The following TMEM50A variants were observed in gnomAD, a reference collection of about 807,000 sequenced individuals.
The protein encoded by TMEM50A is transmembrane protein 50A, also known as cervical cancer oncogene 9.
In TMEM50A, 8 loss-of-function variants were observed where a neutral mutation model predicts 23.9. That is an observed-to-expected ratio of 0.33 (90% confidence interval 0.20 to 0.60). TMEM50A has a LOEUF of 0.60. Among genes scored for constraint, TMEM50A ranks in the 20% least tolerant of loss-of-function variants. The probability of loss-of-function intolerance (pLI) is 0.81; values close to 1 mark genes in which losing one functional copy is unlikely to be tolerated. For synonymous variants in TMEM50A, 55 were observed against 60.4 expected (o/e 0.91, Z 0.41); for missense variants, 178 against 192.7 (o/e 0.92, Z 0.45).
intron 5 of TMEM50A, among the ~76,000 whole-genome samples, chr1:25,355,864 A>G (rs1339723181): frequency 3.3e-5 from 5 of 152,332 alleles, no homozygotes; most frequent in Middle Eastern, 6.8e-3. Context: ...TGGCTACTCT[A>G]TCTTTCCAGG....
intron 5 of TMEM50A, among the ~76,000 whole-genome samples, chr1:25,355,168 G>A (rs754564817): frequency 3.8e-4 from 58 of 151,930 alleles, no homozygotes; most frequent in Admixed American, 6.6e-4. Context: ...AATTAGCCAG[G>A]CATGGTGGCA....
Position 25,342,948 on chromosome 1 carries a change from A to G in TMEM50A, c.94-13A>G. 1 of 1,604,742 alleles carries G rather than the reference A, an allele frequency of 6.2e-7. No individual in the cohort carries two copies. Among genetic ancestry groups the G allele is most frequent in the Non-Finnish European group, 8.5e-7 (1 of 1,174,494 alleles). On this transcript the variant is annotated splice_polypyrimidine_tract_variant and intron_variant, in intron 2 of 6. Coordinates refer to ENST00000374358, the MANE Select transcript of TMEM50A (RefSeq NM_014313.4). The stretch of plus-strand genomic sequence containing the variant: ...ATTGCTATGATTTCTCATTGGTATC[A>G]CCTTTGTTTTAGTTTTTTACAGGCT...
At chr1:25,354,536 C>T (rs564849064) in intron 5 of TMEM50A, among the ~76,000 whole-genome samples, 5 of 151,866 alleles carry the variant, frequency 3.3e-5, no homozygotes, top group African/African-American at 9.7e-5. Context: ...CACCTGAGCC[C>T]GGGAGGCAGA....
chr1:25,359,958 A>T (rs986282652), intron 6 of TMEM50A, among the ~76,000 whole-genome samples: 11 of 152,150 alleles, frequency 7.2e-5, no homozygotes, highest in Non-Finnish European at 1.5e-4. Flanking sequence ...CACTTACCAC[A>T]TCACGTTAGC....
At chr1:25,358,229 G>T (rs1230806429) in intron 6 of TMEM50A, among the ~76,000 whole-genome samples, 1 of 152,206 alleles carries the variant, frequency 6.6e-6, no homozygotes, top group East Asian at 1.9e-4. Context: ...TTACGGGCAT[G>T]AGCCACCGTG....
chr1:25,351,696 A>G lies in TMEM50A; in HGVS notation c.274+3A>G, dbSNP rs1286278425. ...TGAAGGTTGTCTGGGTCAAACAGGT[A>G]AATAGGTGCAAACAGCATCTTATTA... On this transcript the variant is annotated splice_donor_region_variant and intron_variant, in intron 4 of 6. Coordinates refer to ENST00000374358, the MANE Select transcript of TMEM50A (RefSeq NM_014313.4). 1.2e-6 allele frequency: 2 copies of G among 1,611,606 alleles called. No homozygotes were observed. The highest frequency in any genetic ancestry group is 1.7e-6 in the Non-Finnish European group (2 of 1,179,102).
chr1:25,353,833 A>C (rs1284878657), intron 5 of TMEM50A, among the ~76,000 whole-genome samples: 1 of 152,204 alleles, frequency 6.6e-6, no homozygotes, highest in Non-Finnish European at 1.5e-5. Flanking sequence ...TAAAAACTGG[A>C]CCAGGTTATA....
intron 3 of TMEM50A, among the ~76,000 whole-genome samples, chr1:25,344,236 A>G (rs967121130): frequency 2.0e-5 from 3 of 152,212 alleles, no homozygotes; most frequent in Non-Finnish European, 2.9e-5. Flanking sequence ...GCAAGACCCC[A>G]TCACAAAAAT....
Position 25,341,891 on chromosome 1 carries a change from TGTAGAGATG to T in TMEM50A, c.94-1069_94-1061del, listed in dbSNP as rs1459621578. Among the ~76,000 whole-genome samples, 379 of 152,034 alleles carry T rather than the reference TGTAGAGATG, an allele frequency of 2.5e-3. 2 individuals are homozygous for T. Among genetic ancestry groups the T allele is most frequent in the African/African-American group, 8.7e-3 (359 of 41,442 alleles). On this transcript the variant is annotated intron_variant, in intron 2 of 6. Transcript: ENST00000374358. ...TGTTTTTTTTTTTGTTTGTTTTTTT[TGTAGAGATG>T]AGGTCTCTCCATGTTGCCCAGGCTG...
At chr1:25,343,386 A>G (rs1645184801) in intron 3 of TMEM50A, among the ~76,000 whole-genome samples, 1 of 152,212 alleles carries the variant, frequency 6.6e-6, no homozygotes, top group African/African-American at 2.4e-5. Flanking sequence ...AATATTTATT[A>G]AGCTTTTATA....
intron 3 of TMEM50A, among the ~76,000 whole-genome samples, chr1:25,350,519 G>C (rs1645264970): frequency 6.6e-6 from 1 of 152,094 alleles, no homozygotes. Context: ...CTCCCAAGTA[G>C]CTAGGATTAC....
rs998200140 is a variant in TMEM50A at position 25,361,290 on chromosome 1, C to T, written c.*585C>T. ...GAAGCACCATGGTCCAGCCACCAGG[C>T]TCCCTGTGTCCCTTCCATGGGAAGG... On this transcript the variant is annotated 3_prime_UTR_variant, in exon 7 of 7. Transcript: ENST00000374358. The T allele has an allele frequency of 1.3e-5, 2 of 152,756 alleles. No individual in the cohort carries two copies. The highest frequency in any genetic ancestry group is 4.8e-5 in the African/African-American group (2 of 41,444). The allele number at this position is 152,756 out of a possible 1,614,324, so 9.5% of individuals were successfully genotyped here.
intron 6 of TMEM50A, 46 bp from the exon 7 acceptor site, chr1:25,360,599 ATCTCACATACTCTTT>A: frequency 6.3e-7 from 1 of 1,582,674 alleles, no homozygotes; most frequent in South Asian, 1.1e-5. Flanking sequence ...CATTCTCGAA[ATCTCACATACTCTTT>A]TCTCAAATTC....
At chr1:25,343,138 A>G in intron 3 of TMEM50A, 65 bp downstream of exon 3, 1 of 1,251,408 alleles carries the variant, frequency 8.0e-7, no homozygotes, top group Non-Finnish European at 1.1e-6. Context: ...TTTCAAATAT[A>G]GTTGCATAGA....
Position 25,354,853 on chromosome 1 carries a change from C to T in TMEM50A, c.367+1879C>T, listed in dbSNP as rs994390894. Among the ~76,000 whole-genome samples, 10 of 151,638 alleles carry T rather than the reference C, an allele frequency of 6.6e-5. No homozygotes were observed. In the East Asian group the frequency reaches 2.0e-3, roughly 30 times the overall value. On this transcript the variant is annotated intron_variant, in intron 5 of 6. Transcript: ENST00000374358. ...GTGATGCGATCTCAGCTCACTGCAA[C>T]CTCCGTCTCCCAGGTTCAAGCAATT...
chr1:25,340,197 A>G (rs969322164), intron 1 of TMEM50A, among the ~76,000 whole-genome samples: 3 of 152,076 alleles, frequency 2.0e-5, no homozygotes, highest in East Asian at 1.9e-4. Context: ...CAGCCTCCCA[A>G]ATTGGTAGGA....
At chr1:25,343,145 T>G (rs983406520) in intron 3 of TMEM50A, 72 bp downstream of exon 3, 5 of 1,204,852 alleles carry the variant, frequency 4.1e-6, no homozygotes, top group Non-Finnish European at 4.8e-6. Context: ...TATAGTTGCA[T>G]AGATTTAAAA....
In TMEM50A at chr1:25,343,000, A is replaced by G. The variant is rs1181425878; in HGVS notation, c.133A>G (p.Ile45Val). ...GWWIIIDAAV[I>V]YPTMKDFNHS... The stretch of plus-strand genomic sequence containing the variant: ...GTGGATTATCATAGATGCAGCTGTT[A>G]TTTATCCCACCATGAAAGATTTCAA... Residue 45 changes from isoleucine (I) to valine (V), a missense_variant, in exon 3 of 7, where the codon ATT becomes GTT. Ile to Val is a conservative substitution (Grantham distance 29). Transcript: ENST00000374358. 1.9e-6 allele frequency: 3 copies of G among 1,613,702 alleles called. No individual in the cohort carries two copies. Among genetic ancestry groups the G allele is most frequent in the South Asian group, 1.1e-5 (1 of 91,010 alleles).
chr1:25,351,502 C>T, intron 3 of TMEM50A, 124 bp from the exon 4 acceptor site: 1 of 683,988 alleles, frequency 1.5e-6, no homozygotes, highest in Non-Finnish European at 2.2e-6. Context: ...GAGTGAGACC[C>T]TGTATCTTTA....
Sources: gnomAD v4.1 joint callset for allele counts (sites outside exome capture counted in the v4.1 genomes callset) on GRCh38, gnomAD v4.1.1 for gene constraint, MANE v1.5 for transcripts, NCBI Gene and HGNC (gene_info 2026-07-23, HGNC 2026-07-21) for gene names.